The following SIDT1 variants were observed in gnomAD, a reference collection of about 807,000 sequenced individuals.
SIDT1 encodes the protein SID1 transmembrane family, member 1.
In SIDT1, 101 loss-of-function variants were observed where a neutral mutation model predicts 107.5. The observed-to-expected ratio is 0.94, with a 90% CI of 0.80 to 1.11. The LOEUF is 1.11. Among genes scored for constraint, SIDT1 ranks in the 50% least tolerant of loss-of-function variants. The pLI, the probability that SIDT1 is intolerant of heterozygous loss-of-function variation, is 0.00. For missense variants in SIDT1, 1,076 were observed against 1,058.2 expected (o/e 1.02, Z -0.23); for synonymous variants, 395 against 398.2 (o/e 0.99, Z 0.10).
chr3:113,581,406 T>C lies in SIDT1; in HGVS notation c.709T>C (p.Tyr237His), dbSNP rs750710019. ...LDHNVEFNGV[Y>H]QSMTKKAAIT... is the part of the protein sequence containing the mutation. The stretch of plus-strand genomic sequence containing the variant: ...CCACAATGTGGAATTTAATGGTGTC[T>C]ATCAGTCCATGACCAAGAAAGCTGC... Residue 237 changes from tyrosine (Y) to histidine (H), a missense_variant, in exon 6 of 25, where the codon TAT becomes CAT. Coordinates refer to ENST00000264852, the MANE Select transcript of SIDT1 (RefSeq NM_017699.3). The C allele has an allele frequency of 6.2e-7, 1 of 1,614,144 alleles. No homozygotes were observed.
At chr3:113,608,019 C>A in intron 15 of SIDT1, 75 bp from the exon 16 acceptor site, 1 of 1,401,428 alleles carries the variant, frequency 7.1e-7, no homozygotes, top group South Asian at 1.7e-5. Flanking sequence ...TTCATTCATT[C>A]CTTCATGCAT....
At chr3:113,563,337 A>T (rs1941605538) in intron 1 of SIDT1, among the ~76,000 whole-genome samples, 1 of 139,562 alleles carries the variant, frequency 7.2e-6, no homozygotes, top group Non-Finnish European at 1.5e-5. Context: ...AACGGATTAG[A>T]GGTTTAAATA....
downstream of SIDT1, among the ~76,000 whole-genome samples, chr3:113,631,125 G>A (rs1390948096): frequency 6.6e-6 from 1 of 152,168 alleles, no homozygotes; most frequent in African/African-American, 2.4e-5. Context: ...AAGTGGGAAA[G>A]CCTGGCTGTT....
At chr3:113,611,960 A>AG (rs937250531) in intron 18 of SIDT1, 126 bp from the exon 19 acceptor site, 1 of 640,654 alleles carries the variant, frequency 1.6e-6, no homozygotes, top group Non-Finnish European at 2.8e-6. Flanking sequence ...GAGTTTCCAG[A>AG]GGGGGAGAAA....
At chr3:113,615,225 G>C (rs1483053429) in intron 19 of SIDT1, 1 of 800,800 alleles carries the variant, frequency 1.2e-6, no homozygotes, top group African/African-American at 1.7e-5. Context: ...AGGCTCAGAG[G>C]GGAGGCTGCA....
downstream of SIDT1, among the ~76,000 whole-genome samples, chr3:113,634,041 G>A (rs570032352): frequency 6.6e-6 from 1 of 152,186 alleles, no homozygotes; most frequent in Non-Finnish European, 1.5e-5. Context: ...GAAAAATAAG[G>A]TGATATAACT....
chr3:113,585,301 C>T, intron 9 of SIDT1, 31 bp downstream of exon 9: 3 of 1,480,084 alleles, frequency 2.0e-6, no homozygotes, highest in Non-Finnish European at 2.8e-6. Flanking sequence ...AATGTTAATT[C>T]CCTGTGCCTG....
chr3:113,597,260 G>A (rs915630222), intron 10 of SIDT1, among the ~76,000 whole-genome samples: 2 of 152,052 alleles, frequency 1.3e-5, no homozygotes, highest in Non-Finnish European at 2.9e-5. Flanking sequence ...ACTTTGGGAG[G>A]CCGAGGCGGG....
intron 19 of SIDT1, among the ~76,000 whole-genome samples, chr3:113,612,914 C>T (rs560615440): frequency 1.3e-5 from 2 of 151,924 alleles, no homozygotes; most frequent in Admixed American, 1.3e-4. Flanking sequence ...AAGCCCAGAG[C>T]AAAAGTCCAA....
At chr3:113,537,094 A>G (rs1938258264) in intron 1 of SIDT1, among the ~76,000 whole-genome samples, 1 of 152,128 alleles carries the variant, frequency 6.6e-6, no homozygotes, top group Non-Finnish European at 1.5e-5. Context: ...GTGATAAGAA[A>G]CCCTTAAATA....
chr3:113,560,736 T>C (rs1035321730), intron 1 of SIDT1, among the ~76,000 whole-genome samples: 10 of 152,230 alleles, frequency 6.6e-5, no homozygotes, highest in Non-Finnish European at 1.5e-4. Flanking sequence ...TTCCAAATAA[T>C]AGAGGCTATA....
chr3:113,629,915 TA>T (rs1947072022), downstream of SIDT1, among the ~76,000 whole-genome samples: 1 of 152,238 alleles, frequency 6.6e-6, no homozygotes, highest in South Asian at 2.1e-4. Flanking sequence ...ATATCAGTTC[TA>T]AATGTACATG....
rs981401546 is a variant in SIDT1, at chr3:113,629,426, C to A, written c.*1718C>A. 1 of 152,212 alleles carries A rather than the reference C, an allele frequency of 6.6e-6. No homozygotes were observed. Among genetic ancestry groups the A allele is most frequent in the Non-Finnish European group, 1.5e-5 (1 of 68,078 alleles). The allele number at this position is 152,212 out of a possible 1,614,324, so 9.4% of individuals were successfully genotyped here. ...GTGGCTCACGCCTGTAATCCCAACACTTTGGGAGGCTGAGGCAGGAGGATC... is the reference window on the plus strand; with the variant it reads ...GTGGCTCACGCCTGTAATCCCAACAATTTGGGAGGCTGAGGCAGGAGGATC... On this transcript the variant is annotated 3_prime_UTR_variant, in exon 25 of 25. Transcript: ENST00000264852.
intron 20 of SIDT1, among the ~76,000 whole-genome samples, chr3:113,617,834 C>T (rs2107779306): frequency 6.6e-6 from 1 of 152,342 alleles, no homozygotes; most frequent in African/African-American, 2.4e-5. Flanking sequence ...CATATACCCT[C>T]TGCCCCCAAC....
intron 3 of SIDT1, among the ~76,000 whole-genome samples, chr3:113,574,446 G>A (rs1942738730): frequency 6.6e-6 from 1 of 152,228 alleles, no homozygotes; most frequent in Admixed American, 6.5e-5. Flanking sequence ...AATGCACACT[G>A]TGCTCTGTGC....
intron 10 of SIDT1, among the ~76,000 whole-genome samples, chr3:113,597,148 C>T (rs1944618025): frequency 6.6e-6 from 1 of 152,024 alleles, no homozygotes; most frequent in African/African-American, 2.4e-5. Context: ...ATTTTTTCTT[C>T]AACTATTGAA....
At chr3:113,619,656 G>T in intron 20 of SIDT1, 24 bp from the exon 21 acceptor site, 2 of 1,611,872 alleles carry the variant, frequency 1.2e-6, no homozygotes, top group South Asian at 2.2e-5. Context: ...CCTCTCATTT[G>T]ATGTTTTCTT....
chr3:113,546,798 A>T (rs1172943122), intron 1 of SIDT1, among the ~76,000 whole-genome samples: 1 of 152,174 alleles, frequency 6.6e-6, no homozygotes, highest in African/African-American at 2.4e-5. Flanking sequence ...CTTCTTTTCA[A>T]ATAGAAATAA....
chr3:113,611,250 T>TTCATGACACAATTTCATC, intron 18 of SIDT1, 106 bp downstream of exon 18: 1 of 1,321,818 alleles, frequency 7.6e-7, no homozygotes, highest in Non-Finnish European at 1.0e-6. Flanking sequence ...AAATCCTCAG[T>TTCATGACACAATTTCATC]TCATGACACA....
Sources: allele counts gnomAD v4.1 joint callset (sites outside exome capture counted in the v4.1 genomes callset), GRCh38; gene constraint gnomAD v4.1.1; transcripts MANE v1.5; gene names NCBI Gene and HGNC (gene_info 2026-07-23, HGNC 2026-07-21).